The following LTBR variants were observed in gnomAD, a reference collection of about 807,000 sequenced individuals.
LTBR encodes tumor necrosis factor receptor superfamily member 3.
LTBR carries 15 observed loss-of-function variants against 45.4 expected under a neutral mutation model. The ratio of observed to expected loss-of-function variants is 0.33; its 90% CI spans 0.22 to 0.51. LTBR has a LOEUF of 0.51. Ranked by LOEUF, LTBR falls within the 20% of genes least tolerant of loss-of-function variation. The probability of loss-of-function intolerance (pLI) is 0.97; values close to 1 mark genes in which losing one functional copy is unlikely to be tolerated. For synonymous variants in LTBR, 228 were observed against 231.0 expected (o/e 0.99, Z 0.12); for missense variants, 450 against 565.5 (o/e 0.80, Z 2.07).
chr12:6,384,099 GATT>G, upstream of LTBR: 3 of 1,256,782 alleles, frequency 2.4e-6, no homozygotes, highest in East Asian at 9.5e-5. Flanking sequence ...CCTGGGCTGC[GATT>G]GCGACAGGCC....
upstream of LTBR, among the ~76,000 whole-genome samples, chr12:6,382,668 A>G (rs964829099): frequency 2.6e-5 from 4 of 152,190 alleles, no homozygotes; most frequent in African/African-American, 9.7e-5. Flanking sequence ...TGAAATGCCT[A>G]CAGCCTAGGC....
intron 1 of LTBR, chr12:6,377,716 G>A: frequency 7.8e-7 from 1 of 1,285,690 alleles, no homozygotes; most frequent in Non-Finnish European, 1.0e-6. Context: ...CTGGCTGTTT[G>A]ATCTCAAAGG....
At chr12:6,377,839 A>G (rs1948935359) in intron 1 of LTBR, 1 of 427,238 alleles carries the variant, frequency 2.3e-6, no homozygotes, top group Admixed American at 2.5e-5. Flanking sequence ...TGTGAGAAGA[A>G]TTGCAATGCC....
rs909595007 is a variant in LTBR, at chr12:6,386,195, C to G, written c.569+33C>G. ...CAGCCCCACCCAAGCTCCTTCCACCCTCTGAGAAGCCTCAGCTGCTAACAA... is the reference window on the plus strand; with the variant it reads ...CAGCCCCACCCAAGCTCCTTCCACCGTCTGAGAAGCCTCAGCTGCTAACAA... On this transcript the variant is annotated intron_variant, in intron 5 of 9. Transcript: ENST00000228918. The surrounding 1 kb of genome is among the most constrained non-coding windows in gnomAD (Gnocchi z 4.1). The G allele has an allele frequency of 6.4e-7, 1 of 1,574,472 alleles. No homozygotes were observed. Among genetic ancestry groups the G allele is most frequent in the East Asian group, 2.2e-5 (1 of 44,672 alleles).
chr12:6,388,319 T>C lies in LTBR; in HGVS notation c.668-79T>C. 3 of 1,075,932 alleles carry C rather than the reference T, an allele frequency of 2.8e-6. No homozygotes were observed. The highest frequency in any genetic ancestry group is 4.3e-6 in the Non-Finnish European group (3 of 699,554). 66.6% of individuals were successfully genotyped at this position (1,075,932 alleles called of 1,614,324 possible). A position where few individuals can be genotyped will look rare whatever the true frequency, so the allele number is the denominator to read the frequency against. On this transcript the variant is annotated intron_variant, in intron 6 of 9. Transcript: ENST00000228918. The surrounding 1 kb of genome is among the most constrained non-coding windows in gnomAD (Gnocchi z 4.3). ...TTTCTCTGTCTGGGTTGCCCAGGGA[T>C]CTGGAAAGCTCTTCCTTCTCCTCCT...
At position 6,388,611 on chromosome 12, in the gene LTBR, AC is replaced by A; in HGVS notation, c.775+111del. The A allele has an allele frequency of 1.8e-6, 2 of 1,112,618 alleles. No homozygotes were observed. The highest frequency in any genetic ancestry group is 1.4e-6 in the Non-Finnish European group (1 of 737,054). The allele number at this position is 1,112,618 out of a possible 1,614,324, so 68.9% of individuals were successfully genotyped here. On this transcript the variant is annotated intron_variant, in intron 7 of 9. Transcript: ENST00000228918. The surrounding 1 kb of genome is among the most constrained non-coding windows in gnomAD (Gnocchi z 4.3). ...CACACCCTCAAGACTCCCAATGCCT[AC>A]CCCCAACATAGACATCCTTATCTTC...
chr12:6,376,929 T>C (rs1245124512), intron 1 of LTBR, among the ~76,000 whole-genome samples: 1 of 152,222 alleles, frequency 6.6e-6, no homozygotes, highest in African/African-American at 2.4e-5. Context: ...GGTTTCTATT[T>C]GTACACTTTA....
rs1490466804 is a variant in LTBR at position 6,390,709 on chromosome 12, C to T, written c.1080C>T (p.Asn360=). 6.7e-7 allele frequency: 1 copy of T among 1,500,108 alleles called. No homozygotes were observed. The highest frequency in any genetic ancestry group is 2.3e-5 in the Admixed American group (1 of 43,132). The allele number at this position is 1,500,108 out of a possible 1,614,324, so 92.9% of individuals were successfully genotyped here. ...VTGGSMTITG[N]IYIYNGPVLG... is the part of the protein sequence containing the mutation. ...GCGGGTCTATGACTATCACTGGCAA[C>T]ATCTACATCTACAATGGACCAGTAC... is the stretch of plus-strand genomic sequence containing the variant. The change falls in exon 10 of 10, where the codon AAC becomes AAT. Residue 360 remains asparagine, a synonymous_variant. Coordinates refer to ENST00000228918, the MANE Select transcript of LTBR (RefSeq NM_002342.3).
upstream of LTBR, among the ~76,000 whole-genome samples, chr12:6,380,024 G>T (rs1425905373): frequency 2.0e-5 from 3 of 152,032 alleles, no homozygotes; most frequent in Non-Finnish European, 4.4e-5. Flanking sequence ...ATCAACCTTG[G>T]CACTATTGAC....
chr12:6,384,506 G>A (rs768746051), intron 1 of LTBR, 52 bp downstream of exon 1: 3 of 1,594,572 alleles, frequency 1.9e-6, no homozygotes, highest in Non-Finnish European at 2.6e-6. Flanking sequence ...AGGGATCTGG[G>A]CAGCCGTCGC....
chr12:6,384,023 G>T (rs1490802373), upstream of LTBR: 1 of 1,176,416 alleles, frequency 8.5e-7, no homozygotes, highest in Non-Finnish European at 1.1e-6. Flanking sequence ...CGGCCCCGCG[G>T]CCCTCACGTG....
chr12:6,377,909 C>T (rs895965012), intron 1 of LTBR, among the ~76,000 whole-genome samples: 1 of 152,176 alleles, frequency 6.6e-6, no homozygotes, highest in African/African-American at 2.4e-5. Flanking sequence ...ATGGGAGTGG[C>T]AATGCGAGCC....
Position 6,386,493 on chromosome 12 carries a change from C to A in LTBR, c.667+49C>A. On this transcript the variant is annotated intron_variant, in intron 6 of 9. Coordinates refer to ENST00000228918, the MANE Select transcript of LTBR (RefSeq NM_002342.3). This position sits in a 1 kb window ranked among gnomAD's most constrained non-coding sequence, Gnocchi z 4.1. Reference sequence around the variant, plus strand: ...ACGGGGGGGGCGCCTCTGAAAATGCCTTAATGCTCCACATCTTAAAAAAAA... The same window carrying A: ...ACGGGGGGGGCGCCTCTGAAAATGCATTAATGCTCCACATCTTAAAAAAAA... 7.2e-7 allele frequency: 1 copy of A among 1,392,912 alleles called. No individual in the cohort carries two copies. The highest frequency in any genetic ancestry group is 1.0e-6 in the Non-Finnish European group (1 of 984,222). 86.3% of individuals were successfully genotyped at this position (1,392,912 alleles called of 1,614,324 possible).
In LTBR at chr12:6,390,537, A is replaced by C. The variant is rs775040680; in HGVS notation, c.1031-123A>C. On this transcript the variant is annotated intron_variant, in intron 9 of 9. Coordinates refer to ENST00000228918, the MANE Select transcript of LTBR (RefSeq NM_002342.3). ...GAGAAATGAACACAGAAGCTCAATAAACCAGCAGCAAGCAGGAGAGGGGCG... is the reference window on the plus strand; with the variant it reads ...GAGAAATGAACACAGAAGCTCAATACACCAGCAGCAAGCAGGAGAGGGGCG... 3.9e-4 allele frequency: 437 copies of C among 1,113,066 alleles called. 1 individual carries two copies. The highest frequency in any genetic ancestry group is 2.2e-4 in the Middle Eastern group (1 of 4,574). 68.9% of individuals were successfully genotyped at this position (1,113,066 alleles called of 1,614,324 possible).
intron 9 of LTBR, 134 bp from the exon 10 acceptor site, chr12:6,390,526 G>C (rs931504284): frequency 1.9e-6 from 2 of 1,061,982 alleles, no homozygotes; most frequent in African/African-American, 1.6e-5. Flanking sequence ...AATGAACACA[G>C]AAGCTCAATA....
At position 6,388,828 on chromosome 12, in the gene LTBR, A is replaced by G. The variant is rs1324620346; in HGVS notation, c.801+3A>G. On this transcript the variant is annotated splice_donor_region_variant and intron_variant, in intron 8 of 9. Transcript: ENST00000228918. This position sits in a 1 kb window ranked among gnomAD's most constrained non-coding sequence, Gnocchi z 4.3. ...CGCTGCTCAAGAGGCGTCCGCAGGTAATGGCGGGGGCTGAGAAGGCAGCAA... is the reference window on the plus strand; with the variant it reads ...CGCTGCTCAAGAGGCGTCCGCAGGTGATGGCGGGGGCTGAGAAGGCAGCAA... 2 of 1,613,940 alleles carry G rather than the reference A, an allele frequency of 1.2e-6. No homozygotes were observed. The highest frequency in any genetic ancestry group is 3.3e-5 in the Admixed American group (2 of 59,998).
At position 6,388,831 on chromosome 12, in the gene LTBR, G is replaced by T; in HGVS notation, c.801+6G>T. ...TGCTCAAGAGGCGTCCGCAGGTAATGGCGGGGGCTGAGAAGGCAGCAAGAA... is the reference window on the plus strand; with the variant it reads ...TGCTCAAGAGGCGTCCGCAGGTAATTGCGGGGGCTGAGAAGGCAGCAAGAA... On this transcript the variant is annotated splice_donor_region_variant and intron_variant, in intron 8 of 9. Transcript: ENST00000228918. The surrounding 1 kb of genome is among the most constrained non-coding windows in gnomAD (Gnocchi z 4.3). 1 of 1,614,086 alleles carries T rather than the reference G, an allele frequency of 6.2e-7. No individual in the cohort carries two copies. Among genetic ancestry groups the T allele is most frequent in the African/African-American group, 1.3e-5 (1 of 75,040 alleles).
At chr12:6,382,131 G>C (rs1459502118), upstream of LTBR, among the ~76,000 whole-genome samples, 1 of 152,064 alleles carries the variant, frequency 6.6e-6, no homozygotes, top group Admixed American at 6.6e-5. Flanking sequence ...TAAAAGAAAG[G>C]GTCTCAGCAG....
chr12:6,379,134 T>C (rs1948950986), intron 1 of LTBR, among the ~76,000 whole-genome samples: 1 of 152,192 alleles, frequency 6.6e-6, no homozygotes, highest in Non-Finnish European at 1.5e-5. Context: ...TGTATGTGTG[T>C]TTGTACGTAT....
Sources: gnomAD v4.1 joint callset for allele counts (sites outside exome capture counted in the v4.1 genomes callset) on GRCh38, gnomAD v4.1.1 for gene constraint, Gnocchi (gnomAD v3.1) non-coding constraint, MANE v1.5 for transcripts, NCBI Gene and HGNC (gene_info 2026-07-23, HGNC 2026-07-21) for gene names.